ZSCAN18: variants seen among roughly 807,000 people sequenced by gnomAD.
ZSCAN18 encodes zinc finger and SCAN domain containing 18.
In ZSCAN18, 16 loss-of-function variants were observed where a neutral mutation model predicts 31.1. The ratio of observed to expected loss-of-function variants is 0.51; its 90% CI spans 0.35 to 0.78. ZSCAN18 has a LOEUF of 0.78. Among genes scored for constraint, ZSCAN18 ranks in the 30% least tolerant of loss-of-function variants. ZSCAN18 has a pLI of 0.01. For missense variants in ZSCAN18, 731 were observed against 697.4 expected (o/e 1.05, Z -0.54); for synonymous variants, 375 against 320.7 (o/e 1.17, Z -1.81).
Position 58,089,903 on chromosome 19 carries a change from G to A in ZSCAN18, c.365C>T (p.Ser122Phe), listed in dbSNP as rs2074376524. The A allele has an allele frequency of 1.2e-6, 2 of 1,613,332 alleles. No individual in the cohort carries two copies. The highest frequency in any genetic ancestry group is 1.7e-6 in the Non-Finnish European group (2 of 1,179,460). Residue 122 changes from serine (S) to phenylalanine (F), a missense_variant, in exon 2 of 7, where the codon TCC becomes TTC. By Grantham distance (155) the Ser-to-Phe change is radical. This residue lies in a region of ZSCAN18 where 46 missense variants were observed against 60.6 expected (regional missense o/e 0.76). Transcript: ENST00000601144. The part of the protein sequence containing the change: ...QYPESCKKAA[S>F]LVEGLADVLE... ...GACATCAGCGAGGCCCTCCACCAGG[G>A]AGGCTGCCTTCTTGCAGCTCTCAGG...
intron 5 of ZSCAN18, 50 bp downstream of exon 5, chr19:58,086,856 G>A (rs1309126861): frequency 6.9e-7 from 1 of 1,439,742 alleles, no homozygotes; most frequent in Non-Finnish European, 9.7e-7. Context: ...ACCAACCCCT[G>A]CGGAAGGGGA....
chr19:58,102,748 C>G (rs1179818798), upstream of ZSCAN18, among the ~76,000 whole-genome samples: 4 of 148,960 alleles, frequency 2.7e-5, no homozygotes, highest in Non-Finnish European at 6.0e-5. Flanking sequence ...TGGACTCTCA[C>G]TAGTCATTCA....
Position 58,087,390 on chromosome 19 carries a change from C to G in ZSCAN18, c.568G>C (p.Asp190His), listed in dbSNP as rs747176365. The change falls in exon 4 of 7, where the codon GAC becomes CAC. Residue 190 changes from aspartate to histidine, a missense_variant. By Grantham distance (81) the Asp-to-His change is moderately conservative (BLOSUM62 -1). Transcript: ENST00000601144. ...APSETPWLSPDPLFLEQRRVR... is the reference protein window; with the variant it reads ...APSETPWLSPHPLFLEQRRVR... ...CTCCTCTGTTCCAGAAACAGGGGGT[C>G]CGGAGAAAGCCAGGCTGGGGAGAAG... The G allele has an allele frequency of 1.3e-5, 21 of 1,599,960 alleles. No individual in the cohort carries two copies. Among genetic ancestry groups the G allele is most frequent in the Non-Finnish European group, 1.8e-5 (21 of 1,172,778 alleles).
upstream of ZSCAN18, chr19:58,098,237 G>A: frequency 1.0e-6 from 1 of 985,492 alleles, no homozygotes; most frequent in Non-Finnish European, 1.2e-6. Context: ...ATGGCGGCCG[G>A]CAAACTGCGC....
At chr19:58,112,426 G>A (rs547976487) in intron 1 of ZSCAN18, among the ~76,000 whole-genome samples, 12 of 151,660 alleles carry the variant, frequency 7.9e-5, no homozygotes, top group Non-Finnish European at 1.2e-4. Flanking sequence ...CGAGGTGGGC[G>A]TATCACGAGG....
At chr19:58,114,823 A>G (rs2146031478) in intron 1 of ZSCAN18, among the ~76,000 whole-genome samples, 1 of 152,312 alleles carries the variant, frequency 6.6e-6, no homozygotes, top group African/African-American at 2.4e-5. Flanking sequence ...GTCAAAATAT[A>G]AAGTAGGCAG....
intron 1 of ZSCAN18, among the ~76,000 whole-genome samples, chr19:58,091,908 G>C (rs908621819): frequency 6.6e-6 from 1 of 152,142 alleles, no homozygotes; most frequent in East Asian, 1.9e-4. Context: ...GAAAACCATA[G>C]AGTAAACCAC....
rs910336871 is a variant in ZSCAN18, at chr19:58,092,746, C to T, written c.-119-2360G>A. On this transcript the variant is annotated intron_variant, in intron 1 of 6. Transcript: ENST00000601144. Reference sequence around the variant, plus strand: ...GCAGAACAGAGCCATGCCGTGCCATCATCACCACCACCACGATACCTCTAC... The same window carrying T: ...GCAGAACAGAGCCATGCCGTGCCATTATCACCACCACCACGATACCTCTAC... The T allele has an allele frequency of 5.1e-6, 5 of 977,974 alleles. No homozygotes were observed. The Admixed American group carries it at 1.9e-4, about 37-fold the overall frequency. 60.6% of individuals were successfully genotyped at this position (977,974 alleles called of 1,614,324 possible). A position where few individuals can be genotyped will look rare whatever the true frequency, so the allele number is the denominator to read the frequency against.
chr19:58,117,002 C>T (rs1355558630), intron 1 of ZSCAN18, among the ~76,000 whole-genome samples: 2 of 152,218 alleles, frequency 1.3e-5, no homozygotes, highest in Non-Finnish European at 2.9e-5. Context: ...ATCCTCCTGC[C>T]TCAGCCTCCC....
upstream of ZSCAN18, among the ~76,000 whole-genome samples, chr19:58,102,241 G>A (rs1568641787): frequency 6.6e-6 from 1 of 151,934 alleles, no homozygotes; most frequent in Admixed American, 6.6e-5. Context: ...GGCTGCTCAC[G>A]AGGTCAGGAG....
chr19:58,118,261 C>T, intron 1 of ZSCAN18: 6 of 1,418,792 alleles, frequency 4.2e-6, no homozygotes, highest in Non-Finnish European at 5.7e-6. Flanking sequence ...GAGTCCTTGA[C>T]CCCACCCTCA....
chr19:58,108,611 G>A, intron 1 of ZSCAN18: 3 of 985,678 alleles, frequency 3.0e-6, no homozygotes, highest in African/African-American at 1.7e-5. Context: ...TCTCCAGTAT[G>A]AGTCCTCTGG....
At chr19:58,101,527 T>C (rs1286604797), upstream of ZSCAN18, among the ~76,000 whole-genome samples, 1 of 149,672 alleles carries the variant, frequency 6.7e-6, no homozygotes, top group Non-Finnish European at 1.5e-5. Flanking sequence ...TTCTTTTTTT[T>C]TTTTTTTTTT....
upstream of ZSCAN18, chr19:58,098,393 C>G: frequency 1.0e-6 from 1 of 985,404 alleles, no homozygotes; most frequent in Non-Finnish European, 1.2e-6. Context: ...CCCGCCCACT[C>G]CGGCGCCTGC....
intron 5 of ZSCAN18, 33 bp downstream of exon 5, chr19:58,086,873 G>A (rs1460501640): frequency 1.3e-6 from 2 of 1,556,072 alleles, no homozygotes; most frequent in Non-Finnish European, 1.8e-6. Context: ...GGGATGGGGA[G>A]TGGGGCGTGA....
intron 6 of ZSCAN18, 44 bp downstream of exon 6, chr19:58,086,130 A>G: frequency 6.3e-7 from 1 of 1,596,098 alleles, no homozygotes; most frequent in Non-Finnish European, 8.6e-7. Context: ...CTGAAGAAAA[A>G]GCAAACCCCA....
At position 58,087,364 on chromosome 19, in the gene ZSCAN18, C is replaced by T; in HGVS notation, c.594G>A (p.Arg198=). ...SPDPLFLEQR[R]VREAKTEEDG... is the part of the protein sequence containing the mutation. Reference sequence around the variant, plus strand: ...CCTCTTCGGTCTTTGCTTCTCTGACCCTCCTCTGTTCCAGAAACAGGGGGT... The same window carrying T: ...CCTCTTCGGTCTTTGCTTCTCTGACTCTCCTCTGTTCCAGAAACAGGGGGT... Residue 198 remains arginine (R), a synonymous_variant, in exon 4 of 7, where the codon AGG becomes AGA. Transcript: ENST00000601144. 1 of 1,607,660 alleles carries T rather than the reference C, an allele frequency of 6.2e-7. No individual in the cohort carries two copies. The highest frequency in any genetic ancestry group is 8.5e-7 in the Non-Finnish European group (1 of 1,177,074).
intron 1 of ZSCAN18, among the ~76,000 whole-genome samples, chr19:58,115,018 A>G (rs567622494): frequency 1.3e-5 from 2 of 152,334 alleles, no homozygotes; most frequent in South Asian, 4.1e-4. Flanking sequence ...CCAACTGGGA[A>G]AATGCTAGTT....
intron 1 of ZSCAN18, among the ~76,000 whole-genome samples, chr19:58,094,881 A>C (rs990149947): frequency 7.3e-5 from 7 of 96,476 alleles, no homozygotes; most frequent in African/African-American, 3.9e-4. Flanking sequence ...CTGTCGCAAA[A>C]AAAAAAAAAA....
Sources: gnomAD v4.1 joint callset for allele counts (sites outside exome capture counted in the v4.1 genomes callset) on GRCh38, gnomAD v4.1.1 for gene constraint, gnomAD v4.1.1 regional missense constraint, MANE v1.5 for transcripts, NCBI Gene and HGNC (gene_info 2026-07-23, HGNC 2026-07-21) for gene names.